Variants in RNF10 observed in about 807,000 individuals in gnomAD.
RNF10 encodes E3 ubiquitin-protein ligase RNF10.
A neutral mutation model predicts 91.4 loss-of-function variants in RNF10; 38 were observed. The observed-to-expected ratio is 0.42, with a 90% CI of 0.32 to 0.54. The LOEUF (loss-of-function observed/expected upper bound fraction) is 0.54. Among genes scored for constraint, RNF10 ranks in the 20% least tolerant of loss-of-function variants. The pLI is 0.16. For synonymous variants in RNF10, 364 were observed against 366.3 expected (o/e 0.99, Z 0.07); for missense variants, 945 against 1,012.0 (o/e 0.93, Z 0.90).
intron 6 of RNF10, among the ~76,000 whole-genome samples, chr12:120,559,176 CTTTTTTTTTTTTTTT>C (rs34120761): frequency 0.4 from 39,485 of 98,146 alleles, 7,026 homozygotes; most frequent in Middle Eastern, 0.61. Flanking sequence ...TTGAACTACT[CTTTTTTTTTTTTTTT>C]TTTTTTTTGA....
chr12:120,575,727 T>A, intron 15 of RNF10, 39 bp downstream of exon 15: 1 of 1,614,172 alleles, frequency 6.2e-7, no homozygotes, highest in Non-Finnish European at 8.5e-7. Flanking sequence ...GTTTGGCTTC[T>A]TTCCATAAAA....
At chr12:120,553,759 C>T (rs1210280849) in intron 3 of RNF10, among the ~76,000 whole-genome samples, 2 of 152,112 alleles carry the variant, frequency 1.3e-5, no homozygotes, top group African/African-American at 4.8e-5. Context: ...GCTTGGCATA[C>T]ATTTGCTCAA....
chr12:120,539,536 C>G (rs1593046361), intron 1 of RNF10: 1 of 663,052 alleles, frequency 1.5e-6, no homozygotes. Context: ...ATTCTGACCT[C>G]TAGGCCGAGC....
At chr12:120,573,049 T>A (rs748226473) in intron 14 of RNF10, among the ~76,000 whole-genome samples, 1 of 152,166 alleles carries the variant, frequency 6.6e-6, no homozygotes, top group Non-Finnish European at 1.5e-5. Context: ...TTTGCTGTTA[T>A]ATATTTGCTT....
At chr12:120,546,316 A>G in intron 1 of RNF10, 89 bp from the exon 2 acceptor site, 4 of 1,218,152 alleles carry the variant, frequency 3.3e-6, no homozygotes, top group Non-Finnish European at 3.5e-6. Context: ...GGGCCTATTC[A>G]CCCTTATTTT....
At chr12:120,563,299 G>C in intron 8 of RNF10, 48 bp from the exon 9 acceptor site, 2 of 1,564,458 alleles carry the variant, frequency 1.3e-6, no homozygotes, top group Non-Finnish European at 1.7e-6. Context: ...CATTGCTTTC[G>C]GAAAGCAGGA....
chr12:120,570,943 C>T (rs151036584), intron 13 of RNF10, among the ~76,000 whole-genome samples: 243 of 152,290 alleles, frequency 1.6e-3, no homozygotes, highest in Middle Eastern at 6.8e-3. Flanking sequence ...TAGATTCTAC[C>T]ATGACTTCTA....
chr12:120,554,495 C>T, intron 3 of RNF10: 1 of 467,538 alleles, frequency 2.1e-6, no homozygotes, highest in South Asian at 2.5e-5. Flanking sequence ...GGACTTGAAG[C>T]AGAAGAAAAC....
At chr12:120,537,900 T>C (rs1871064228) in intron 1 of RNF10, among the ~76,000 whole-genome samples, 1 of 152,146 alleles carries the variant, frequency 6.6e-6, no homozygotes, top group South Asian at 2.1e-4. Context: ...AACTGGATAT[T>C]GGCTGATTTT....
intron 2 of RNF10, among the ~76,000 whole-genome samples, chr12:120,549,669 C>G (rs1195836527): frequency 6.6e-6 from 1 of 152,046 alleles, no homozygotes. Flanking sequence ...CCTGTAATTC[C>G]AGTTACTTGG....
At chr12:120,536,083 C>T (rs1241307807) in intron 1 of RNF10, among the ~76,000 whole-genome samples, 1 of 152,038 alleles carries the variant, frequency 6.6e-6, no homozygotes, top group East Asian at 1.9e-4. Flanking sequence ...TTTGAAGTCC[C>T]TAAATGTGGA....
intron 10 of RNF10, among the ~76,000 whole-genome samples, chr12:120,564,155 G>C (rs1429457910): frequency 6.6e-6 from 1 of 152,136 alleles, no homozygotes; most frequent in Non-Finnish European, 1.5e-5. Context: ...GCTGTTCCCT[G>C]CTTCTCTGGT....
intron 13 of RNF10, among the ~76,000 whole-genome samples, chr12:120,570,801 G>A (rs1290748796): frequency 6.6e-6 from 1 of 152,210 alleles, no homozygotes; most frequent in Admixed American, 6.5e-5. Flanking sequence ...AAGCTGAGCT[G>A]ATTAAATTTT....
At chr12:120,546,343 G>A in intron 1 of RNF10, 62 bp from the exon 2 acceptor site, 1 of 1,479,952 alleles carries the variant, frequency 6.8e-7, no homozygotes, top group Non-Finnish European at 9.2e-7. Context: ...GGAGGTGGAG[G>A]GCAGTTGGCT....
At chr12:120,551,460 A>AG (rs1395861667) in intron 2 of RNF10, among the ~76,000 whole-genome samples, 1 of 149,670 alleles carries the variant, frequency 6.7e-6, no homozygotes, top group Non-Finnish European at 1.5e-5. Context: ...GCACCCGGCT[A>AG]GTTTTTTTTT....
Position 120,563,147 on chromosome 12 carries a change from C to A in RNF10, c.1254+77C>A, listed in dbSNP as rs990304577. The A allele has an allele frequency of 1.6e-5, 26 of 1,590,956 alleles. No individual in the cohort carries two copies. In the Admixed American group the frequency reaches 4.2e-4, roughly 26 times the overall value. ...GAGCTGGTAGGCATTACTGTGAGAT[C>A]TAAACCTTCTCAAGAGAAGAGGGGA... On this transcript the variant is annotated intron_variant, in intron 8 of 16. Transcript: ENST00000325954.
rs1874791663 is a variant in RNF10 at position 120,561,212 on chromosome 12, G to A, written c.1128+326G>A. Among the ~76,000 whole-genome samples, 3 of 152,182 alleles carry A rather than the reference G, an allele frequency of 2.0e-5. No individual in the cohort carries two copies. In the South Asian group the frequency reaches 6.2e-4, roughly 32 times the overall value. ...TTAGCTATGTTCTTAAAGCAAGTTA[G>A]AGTTCTTTGTTTTCTGGGAAAATAC... On this transcript the variant is annotated intron_variant, in intron 7 of 16. Transcript: ENST00000325954.
Position 120,544,156 on chromosome 12 carries a change from G to A in RNF10, c.158-2249G>A, listed in dbSNP as rs553156250. On this transcript the variant is annotated intron_variant, in intron 1 of 16. Transcript: ENST00000325954. ...GCAGGAGAATTGCTGGAACCCGGGA[G>A]GTAGAGGTTGCAGTGAGCCGAGATT... is the stretch of plus-strand genomic sequence containing the variant. Among the ~76,000 whole-genome samples, 31 of 152,114 alleles carry A rather than the reference G, an allele frequency of 2.0e-4. No individual in the cohort carries two copies. The East Asian group carries it at 5.8e-3, about 28-fold the overall frequency.
Position 120,563,877 on chromosome 12 carries a change from C to G in RNF10, c.1599C>G (p.Ser533Arg). The change falls in exon 10 of 17, where the codon AGC (serine) becomes AGG (arginine). Residue 533 changes from serine to arginine, a missense_variant. Transcript: ENST00000325954. ...GCTGCCTCGTGCGGGAGTACGGCAGCCTGGAGAGGAGCCCCGAGAAGATCT... is the reference window on the plus strand; with the variant it reads ...GCTGCCTCGTGCGGGAGTACGGCAGGCTGGAGAGGAGCCCCGAGAAGATCT... ...NVRCLVREYGSLERSPEKISA... is the reference protein window; with the variant it reads ...NVRCLVREYGRLERSPEKISA... The G allele has an allele frequency of 6.2e-7, 1 of 1,614,044 alleles. No individual in the cohort carries two copies. Among genetic ancestry groups the G allele is most frequent in the Non-Finnish European group, 8.5e-7 (1 of 1,180,008 alleles).
Sources: gnomAD v4.1 joint callset for allele counts (sites outside exome capture counted in the v4.1 genomes callset) on GRCh38, gnomAD v4.1.1 for gene constraint, MANE v1.5 for transcripts, NCBI Gene and HGNC (gene_info 2026-07-23, HGNC 2026-07-21) for gene names.